Variants in OTOGL observed in about 807,000 individuals in gnomAD.
OTOGL encodes otogelin-like protein.
A neutral mutation model predicts 318.5 loss-of-function variants in OTOGL; 285 were observed. The observed-to-expected ratio is 0.89, with a 90% CI of 0.81 to 0.99. The LOEUF (loss-of-function observed/expected upper bound fraction) is 0.99. Among genes scored for constraint, OTOGL ranks in the 50% least tolerant of loss-of-function variants. The pLI, the probability that OTOGL is intolerant of heterozygous loss-of-function variation, is 0.00. For synonymous variants in OTOGL, 987 were observed against 936.5 expected, an observed-to-expected ratio of 1.05 and a Z score of -0.99; for missense variants, 2,899 against 2,845.6, an observed-to-expected ratio of 1.02 and a Z score of -0.43.
At chr12:80,366,515 A>ATATATATATATG (rs2138072965) in intron 52 of OTOGL, 59 bp from the exon 53 acceptor site, 1 of 260,658 alleles carries the variant, frequency 3.8e-6, no homozygotes, top group Non-Finnish European at 6.6e-6. Context: ...TATAGGTTAT[A>ATATATATATATG]TATATATATA....
intron 1 of OTOGL, among the ~76,000 whole-genome samples, chr12:80,124,997 G>T (rs981663694): frequency 2.0e-4 from 30 of 152,292 alleles, no homozygotes; most frequent in South Asian, 8.3e-4. Flanking sequence ...GGGACAATTT[G>T]ACTTCCTCTT....
chr12:80,232,821 A>G, intron 8 of OTOGL, 71 bp from the exon 9 acceptor site: 1 of 1,271,260 alleles, frequency 7.9e-7, no homozygotes, highest in Non-Finnish European at 1.1e-6. Flanking sequence ...TATCTCAGTC[A>G]CTTAAAAATA....
intron 1 of OTOGL, among the ~76,000 whole-genome samples, chr12:80,128,617 G>C (rs1349779575): frequency 6.6e-6 from 1 of 152,176 alleles, no homozygotes; most frequent in East Asian, 1.9e-4. Flanking sequence ...TCTTTTGTTT[G>C]GCTATGCCCT....
intron 26 of OTOGL, among the ~76,000 whole-genome samples, chr12:80,279,944 G>A (rs921265010): frequency 3.3e-5 from 5 of 151,344 alleles, no homozygotes; most frequent in East Asian, 1.9e-4. Flanking sequence ...CCTGTTCTTC[G>A]CAACCTTGCC....
chr12:80,125,915 T>C (rs1461354480), intron 1 of OTOGL, among the ~76,000 whole-genome samples: 1 of 152,172 alleles, frequency 6.6e-6, no homozygotes, highest in Non-Finnish European at 1.5e-5. Flanking sequence ...TTACATCTAT[T>C]TGATTCTTCT....
intron 7 of OTOGL, 125 bp from the exon 8 acceptor site, chr12:80,229,132 A>G: frequency 9.2e-7 from 1 of 1,092,564 alleles, no homozygotes; most frequent in Non-Finnish European, 1.3e-6. Context: ...TCCCAAATGT[A>G]GTTATAACGT....
At chr12:80,215,165 TC>T (rs1448749325) in intron 4 of OTOGL, among the ~76,000 whole-genome samples, 4 of 149,612 alleles carry the variant, frequency 2.7e-5, no homozygotes, top group Non-Finnish European at 5.9e-5. Context: ...TGTTTACAAG[TC>T]TTTTTTTTTT....
intron 28 of OTOGL, among the ~76,000 whole-genome samples, chr12:80,303,187 GCT>G (rs1410187843): frequency 6.6e-5 from 10 of 152,156 alleles, no homozygotes; most frequent in Middle Eastern, 3.4e-3. Context: ...ACGGAGTCTG[GCT>G]CTGTCGCCCA....
At chr12:80,170,233 A>G (rs60488675) in intron 1 of OTOGL, among the ~76,000 whole-genome samples, 2,426 of 111,434 alleles carry the variant, frequency 0.022, 77 homozygotes, top group African/African-American at 0.099. Flanking sequence ...GTGTGTGTGT[A>G]TGTATGTATG....
chr12:80,311,687 G>A (rs755872487), intron 30 of OTOGL, among the ~76,000 whole-genome samples: 8 of 152,184 alleles, frequency 5.3e-5, no homozygotes, highest in African/African-American at 9.7e-5. Context: ...GATTACAGGC[G>A]TGAACCACTG....
At chr12:80,124,278 C>T (rs1036636658) in intron 1 of OTOGL, among the ~76,000 whole-genome samples, 1 of 152,180 alleles carries the variant, frequency 6.6e-6, no homozygotes, top group African/African-American at 2.4e-5. Context: ...TTCCCAGCAC[C>T]ATTTATTAAA....
At chr12:80,355,680 A>G (rs1401191602) in intron 46 of OTOGL, 56 bp from the exon 47 acceptor site, 1 of 1,428,520 alleles carries the variant, frequency 7.0e-7, no homozygotes, top group Non-Finnish European at 9.6e-7. Context: ...ACATGGTGGC[A>G]TGATTTATTT....
At chr12:80,356,070 C>G (rs1170739780) in intron 47 of OTOGL, 122 bp downstream of exon 47, 9 of 1,125,912 alleles carry the variant, frequency 8.0e-6, no homozygotes, top group Non-Finnish European at 1.2e-5. Context: ...GTCATTTTCT[C>G]AAAGCAAGTT....
In OTOGL at chr12:80,227,273, T is replaced by C. The variant is rs987119460; in HGVS notation, c.490-1984T>C. ...ATTGTCAGTATTCAATTATTTGTTT[T>C]TATTCTTTGAATTTCGTTTTCAGCA... On this transcript the variant is annotated intron_variant, in intron 7 of 58. Coordinates refer to ENST00000547103, the MANE Select transcript of OTOGL (RefSeq NM_001378609.3). 4.6e-5 allele frequency among the ~76,000 whole-genome samples: 7 copies of C among 152,352 alleles called. No homozygotes were observed. The East Asian group carries it at 5.8e-4, about 13-fold the overall frequency.
At chr12:80,147,636 T>C (rs1260792770) in intron 1 of OTOGL, among the ~76,000 whole-genome samples, 2 of 152,034 alleles carry the variant, frequency 1.3e-5, no homozygotes, top group African/African-American at 4.8e-5. Context: ...CCTTGATCTG[T>C]CTAATGTTGA....
chr12:80,162,785 C>T (rs1343390287), intron 1 of OTOGL, among the ~76,000 whole-genome samples: 1 of 151,968 alleles, frequency 6.6e-6, no homozygotes, highest in Non-Finnish European at 1.5e-5. Flanking sequence ...AATAATGTTA[C>T]TTTCTGAGGT....
At chr12:80,290,223 A>T (rs917722348) in intron 26 of OTOGL, among the ~76,000 whole-genome samples, 2 of 150,034 alleles carry the variant, frequency 1.3e-5, no homozygotes, top group Non-Finnish European at 3.0e-5. Context: ...GGCTGCACCC[A>T]CTCTCTAACC....
chr12:80,368,381 T>TG lies in OTOGL; in HGVS notation c.6615+73dup, dbSNP rs1411985731. 1.0e-5 allele frequency: 10 copies of TG among 987,796 alleles called. No individual in the cohort carries two copies. In the East Asian group the frequency reaches 2.8e-4, roughly 28 times the overall value. The allele number at this position is 987,796 out of a possible 1,614,324, so 61.2% of individuals were successfully genotyped here. On this transcript the variant is annotated intron_variant, in intron 55 of 58. Transcript: ENST00000547103. ...AGTTCTTGAGTCAAAGTTTGGAAAA[T>TG]GTCCCCCCCCACACACACTGCACTG...
In OTOGL at chr12:80,341,986, C is replaced by A. The variant is rs757765197; in HGVS notation, c.5089C>A (p.Gln1697Lys). The A allele has an allele frequency of 3.1e-6, 5 of 1,608,554 alleles. No individual in the cohort carries two copies. The highest frequency in any genetic ancestry group is 4.2e-6 in the Non-Finnish European group (5 of 1,176,894). ...AGATCCGGATGATGATCTAAGGATGCAAAATGGCACAATTATTACAAATAT... is the reference window on the plus strand; with the variant it reads ...AGATCCGGATGATGATCTAAGGATGAAAAATGGCACAATTATTACAAATAT... The part of the protein sequence containing the change: ...NEDPDDDLRM[Q>K]NGTIITNMED... Residue 1697 changes from glutamine to lysine, a missense_variant, in exon 44 of 59, where the codon CAA (glutamine) becomes AAA (lysine). By Grantham distance (53) the Gln-to-Lys change is moderately conservative. This residue lies in a region of OTOGL where 2,607 missense variants were observed against 2,524.9 expected (regional missense o/e 1.03). Transcript: ENST00000547103.
Sources: gnomAD v4.1 joint callset for allele counts (sites outside exome capture counted in the v4.1 genomes callset) on GRCh38, gnomAD v4.1.1 for gene constraint, gnomAD v4.1.1 regional missense constraint, MANE v1.5 for transcripts, NCBI Gene and HGNC (gene_info 2026-07-23, HGNC 2026-07-21) for gene names.